Variants in FCAMR observed in about 807,000 individuals in gnomAD.
FCAMR encodes the protein Fc alpha and mu receptor.
In FCAMR, 51 loss-of-function variants were observed where a neutral mutation model predicts 52.2. That is an observed-to-expected ratio of 0.98 (90% CI 0.78 to 1.23). The LOEUF (loss-of-function observed/expected upper bound fraction) is 1.23, where lower values mean the gene tolerates loss of function less well. Among genes scored for constraint, FCAMR ranks in the 50% most tolerant of loss-of-function variants. The pLI, the probability that FCAMR is intolerant of heterozygous loss-of-function variation, is 0.00. For missense variants in FCAMR, 719 were observed against 712.6 expected (o/e 1.01, Z -0.10); for synonymous variants, 282 against 262.0 (o/e 1.08, Z -0.74).
At chr1:206,968,332 TCAA>T (rs143325039) in intron 1 of FCAMR, among the ~76,000 whole-genome samples, 1 of 151,860 alleles carries the variant, frequency 6.6e-6, no homozygotes, top group Non-Finnish European at 1.5e-5. Context: ...AGACTCTGTC[TCAA>T]CAACAACAAC....
intron 6 of FCAMR, chr1:206,960,208 C>G: frequency 1.8e-6 from 1 of 569,494 alleles, no homozygotes; most frequent in East Asian, 2.9e-5. Flanking sequence ...TATTGTCTTT[C>G]TATCATTTAG....
At chr1:206,961,677 G>A (rs1680513652) in intron 5 of FCAMR, among the ~76,000 whole-genome samples, 1 of 152,232 alleles carries the variant, frequency 6.6e-6, no homozygotes, top group Non-Finnish European at 1.5e-5. Context: ...CTGCCAAGTG[G>A]CCTTTCACAG....
In FCAMR at chr1:206,970,106, A is replaced by G. The variant is rs367988488; in HGVS notation, c.20T>C (p.Val7Ala). 3.7e-6 allele frequency: 6 copies of G among 1,614,086 alleles called. No individual in the cohort carries two copies. The highest frequency in any genetic ancestry group is 5.1e-6 in the Non-Finnish European group (6 of 1,179,988). ...TTTCACCTTTTGTTCTCCAGGCTTC[A>G]CTGTGGCCTCTCCATCCATCTCAGT... MDGEATVKPGEQKEVVR... is the reference protein window; with the variant it reads MDGEATAKPGEQKEVVR... The change falls in exon 1 of 8, where the codon GTG becomes GCG. Residue 7 changes from valine (V) to alanine (A), a missense_variant. By Grantham distance (64) the Val-to-Ala change is moderately conservative. Transcript: ENST00000324852.
Position 206,962,195 on chromosome 1 carries a change from T to A in FCAMR, c.652+18A>T, listed in dbSNP as rs1462781903. On this transcript the variant is annotated intron_variant, in intron 5 of 7. Transcript: ENST00000324852. Reference sequence around the variant, plus strand: ...AACGTGCTTCACCAAGCTTGGCCCATCAGCCGTCAGCTCATACCTGCAGAG... The same window carrying A: ...AACGTGCTTCACCAAGCTTGGCCCAACAGCCGTCAGCTCATACCTGCAGAG... The A allele has an allele frequency of 6.2e-7, 1 of 1,605,342 alleles. No homozygotes were observed. Among genetic ancestry groups the A allele is most frequent in the South Asian group, 1.1e-5 (1 of 90,726 alleles).
chr1:206,969,379 G>A (rs1380914815), intron 1 of FCAMR: 3 of 442,134 alleles, frequency 6.8e-6, no homozygotes, highest in Non-Finnish European at 1.4e-5. Context: ...AATACTCAAC[G>A]GAATGTCTCC....
intron 1 of FCAMR, 115 bp downstream of exon 1, chr1:206,969,972 G>T (rs1400145174): frequency 1.5e-6 from 2 of 1,301,244 alleles, no homozygotes; most frequent in African/African-American, 3.0e-5. Context: ...CTCCTGGGAA[G>T]GAGCCCACCT....
chr1:206,960,598 C>G lies in FCAMR; in HGVS notation c.1278G>C (p.Trp426Cys), dbSNP rs1455949316. Residue 426 changes from tryptophan (W) to cysteine (C), a missense_variant, in exon 6 of 8, where the codon TGG becomes TGC. Coordinates refer to ENST00000324852, the MANE Select transcript of FCAMR (RefSeq NM_001170631.2). ...WTLGTPAADV[W>C]ILGTPAADVW... is the part of the protein sequence containing the mutation. Reference sequence around the variant, plus strand: ...CATCTGCAGCTGGAGTTCCCAAGATCCACACATCTGCAGCTGGAGTTCCCA... The same window carrying G: ...CATCTGCAGCTGGAGTTCCCAAGATGCACACATCTGCAGCTGGAGTTCCCA... 1.6e-5 allele frequency: 25 copies of G among 1,551,734 alleles called. No homozygotes were observed. Among genetic ancestry groups the G allele is most frequent in the Non-Finnish European group, 2.1e-5 (24 of 1,147,034 alleles).
Position 206,958,290 on chromosome 1 carries a change from T to C in FCAMR, c.*226A>G, listed in dbSNP as rs2102613192. 1 of 513,036 alleles carries C rather than the reference T, an allele frequency of 1.9e-6. No homozygotes were observed. Among genetic ancestry groups the C allele is most frequent in the Non-Finnish European group, 3.4e-6 (1 of 291,956 alleles). 31.8% of individuals were successfully genotyped at this position (513,036 alleles called of 1,614,324 possible). A position where few individuals can be genotyped will look rare whatever the true frequency, so the allele number is the denominator to read the frequency against. On this transcript the variant is annotated 3_prime_UTR_variant, in exon 8 of 8. Transcript: ENST00000324852. The stretch of plus-strand genomic sequence containing the variant: ...TGACCTCTTCCAGTGTTTCATACAC[T>C]GTTCTTGAAGTCTCCTTTGAGTCAT...
intron 5 of FCAMR, 22 bp downstream of exon 5, chr1:206,962,191 C>T (rs1423382561): frequency 6.2e-7 from 1 of 1,603,360 alleles, no homozygotes; most frequent in Non-Finnish European, 8.5e-7. Context: ...CCAAGCTTGG[C>T]CCATCAGCCG....
At chr1:206,969,915 G>A (rs1417230119) in intron 1 of FCAMR, among the ~76,000 whole-genome samples, 172 bp downstream of exon 1, 1 of 152,176 alleles carries the variant, frequency 6.6e-6, no homozygotes. Flanking sequence ...ATAATAGGGA[G>A]CTGAGAGGGA....
chr1:206,967,157 G>A (rs1037194826), intron 2 of FCAMR, 45 bp from the exon 3 acceptor site: 1 of 1,595,520 alleles, frequency 6.3e-7, no homozygotes, highest in Non-Finnish European at 8.6e-7. Flanking sequence ...GAGAAGCTGG[G>A]TGAGGGTGGT....
chr1:206,960,728 G>A lies in FCAMR; in HGVS notation c.1148C>T (p.Ser383Leu). 1 of 1,552,378 alleles carries A rather than the reference G, an allele frequency of 6.4e-7. No homozygotes were observed. Among genetic ancestry groups the A allele is most frequent in the Non-Finnish European group, 8.7e-7 (1 of 1,147,132 alleles). Reference protein sequence around the residue: ...LGTIGPPALVSETLAWEILPQ... With the variant: ...LGTIGPPALVLETLAWEILPQ... ...GAGGATTTCCCAGGCCAAAGTTTCT[G>A]AGACCAGAGCTGGTGGCCCAATGGT... Residue 383 changes from serine to leucine, a missense_variant, in exon 6 of 8, where the codon TCA (serine) becomes TTA (leucine). Coordinates refer to ENST00000324852, the MANE Select transcript of FCAMR (RefSeq NM_001170631.2).
Position 206,960,399 on chromosome 1 carries a change from C to T in FCAMR, c.1454+23G>A, listed in dbSNP as rs77336931. Reference sequence around the variant, plus strand: ...TGAGGCAGATGTGGGGCCCCCCAACCGGGAGAAGGTGCCTGGGGTTACCGC... The same window carrying T: ...TGAGGCAGATGTGGGGCCCCCCAACTGGGAGAAGGTGCCTGGGGTTACCGC... On this transcript the variant is annotated intron_variant, in intron 6 of 7. Transcript: ENST00000324852. 7,048 of 1,465,158 alleles carry T rather than the reference C, an allele frequency of 4.8e-3. 284 individuals are homozygous for T. In the African/African-American group the frequency reaches 0.09, roughly 19 times the overall value. The allele number at this position is 1,465,158 out of a possible 1,614,324, so 90.8% of individuals were successfully genotyped here.
intron 6 of FCAMR, 125 bp downstream of exon 6, chr1:206,960,297 T>C (rs962656143): frequency 2.0e-6 from 2 of 1,002,422 alleles, no homozygotes; most frequent in South Asian, 1.8e-5. Context: ...GGGCATCCGA[T>C]GTGTATGTCA....
At position 206,970,265 on chromosome 1, in the gene FCAMR, A is replaced by G; in HGVS notation, c.-140T>C. 1 of 919,832 alleles carries G rather than the reference A, an allele frequency of 1.1e-6. No individual in the cohort carries two copies. Among genetic ancestry groups the G allele is most frequent in the East Asian group, 2.6e-5 (1 of 38,712 alleles). 57.0% of individuals were successfully genotyped at this position (919,832 alleles called of 1,614,324 possible). Reference sequence around the variant, plus strand: ...TTTTGGAAAGCAGCTGGAGCTAGCAACGGAAGGTCGGGGTGCAAGGCGTAG... The same window carrying G: ...TTTTGGAAAGCAGCTGGAGCTAGCAGCGGAAGGTCGGGGTGCAAGGCGTAG... On this transcript the variant is annotated 5_prime_UTR_variant, in exon 1 of 8. Coordinates refer to ENST00000324852, the MANE Select transcript of FCAMR (RefSeq NM_001170631.2).
intron 4 of FCAMR, among the ~76,000 whole-genome samples, chr1:206,962,975 A>T (rs1186683342): frequency 6.6e-6 from 1 of 152,230 alleles, no homozygotes; most frequent in African/African-American, 2.4e-5. Flanking sequence ...ATAACATTAA[A>T]TGGTAATCTA....
rs1224313328 is a variant in FCAMR, at chr1:206,958,485, A to G, written c.*31T>C. On this transcript the variant is annotated 3_prime_UTR_variant, in exon 8 of 8. Transcript: ENST00000324852. Reference sequence around the variant, plus strand: ...GGCCTTTGATCTTGGTCCTTCTCCCATGGTAACTGAGCAGTTCATCTCTCT... The same window carrying G: ...GGCCTTTGATCTTGGTCCTTCTCCCGTGGTAACTGAGCAGTTCATCTCTCT... 5 of 1,587,178 alleles carry G rather than the reference A, an allele frequency of 3.2e-6. No homozygotes were observed. Among genetic ancestry groups the G allele is most frequent in the South Asian group, 1.1e-5 (1 of 87,522 alleles).
chr1:206,965,602 C>T, intron 4 of FCAMR, 113 bp downstream of exon 4: 1 of 1,276,564 alleles, frequency 7.8e-7, no homozygotes, highest in South Asian at 1.8e-5. Flanking sequence ...ATTGCTATGG[C>T]TTCCATTAGG....
rs180858792 is a variant in FCAMR, at chr1:206,958,492, C to A, written c.*24G>T. The A allele has an allele frequency of 1.1e-5, 18 of 1,597,506 alleles. No individual in the cohort carries two copies. In the Admixed American group the frequency reaches 2.6e-4, roughly 23 times the overall value. ...GATCTTGGTCCTTCTCCCATGGTAA[C>A]TGAGCAGTTCATCTCTCTGTCCCTC... is the stretch of plus-strand genomic sequence containing the variant. On this transcript the variant is annotated 3_prime_UTR_variant, in exon 8 of 8. Transcript: ENST00000324852.
Sources: allele counts gnomAD v4.1 joint callset (sites outside exome capture counted in the v4.1 genomes callset), GRCh38; gene constraint gnomAD v4.1.1; transcripts MANE v1.5; gene names NCBI Gene and HGNC (gene_info 2026-07-23, HGNC 2026-07-21).